BMAL2: variants seen among roughly 807,000 people sequenced by gnomAD.
BMAL2 encodes basic helix-loop-helix ARNT like 2, also known as basic helix-loop-helix ARNT-like protein 2.
chr12:27,423,839 A>T, the BMAL2 span: 1 of 152,180 alleles, frequency 6.6e-6, no homozygotes, highest in Non-Finnish European at 1.5e-5. Flanking sequence ...ATTCTAATCC[A>T]CAGGACTTGG....
the BMAL2 span, chr12:27,389,379 C>T: frequency 2.4e-6 from 2 of 848,734 alleles, no homozygotes; most frequent in Non-Finnish European, 3.8e-6. Flanking sequence ...GTTTTTAAAA[C>T]AGCTAACTAA....
At chr12:27,372,951 G>A in the BMAL2 span, among the ~76,000 whole-genome samples, 5 of 152,180 alleles carry the variant, frequency 3.3e-5, no homozygotes, top group African/African-American at 1.2e-4. Flanking sequence ...GGGATTACAG[G>A]CGTGAGCCAC....
chr12:27,380,161 C>T, the BMAL2 span: 5 of 1,366,896 alleles, frequency 3.7e-6, no homozygotes, highest in African/African-American at 7.2e-5. Context: ...GCCTGCTGGG[C>T]TCAGCATCTG....
chr12:27,350,101 T>C, the BMAL2 span, among the ~76,000 whole-genome samples: 1 of 152,224 alleles, frequency 6.6e-6, no homozygotes, highest in Non-Finnish European at 1.5e-5. Context: ...GTCTATTTAG[T>C]CACCCCTGTG....
At chr12:27,359,058 A>T in the BMAL2 span, among the ~76,000 whole-genome samples, 130 of 152,276 alleles carry the variant, frequency 8.5e-4, 2 homozygotes, top group East Asian at 0.02. Context: ...CTATAAAACA[A>T]TAACTGCTTG....
the BMAL2 span, among the ~76,000 whole-genome samples, chr12:27,408,796 G>C: frequency 6.6e-6 from 1 of 152,202 alleles, no homozygotes; most frequent in Non-Finnish European, 1.5e-5. Flanking sequence ...AGAAGAGGAA[G>C]TCAAATTGTC....
At chr12:27,349,977 G>A in the BMAL2 span, among the ~76,000 whole-genome samples, 1 of 152,178 alleles carries the variant, frequency 6.6e-6, no homozygotes, top group South Asian at 2.1e-4. Context: ...TGTGGCAGGG[G>A]CTTGCACCTG....
the BMAL2 span, among the ~76,000 whole-genome samples, chr12:27,407,278 A>T: frequency 6.6e-6 from 1 of 152,254 alleles, no homozygotes; most frequent in African/African-American, 2.4e-5. Context: ...GCCCCGAATC[A>T]ACAGAATATA....
chr12:27,343,802 G>C, the BMAL2 span, among the ~76,000 whole-genome samples: 2 of 152,094 alleles, frequency 1.3e-5, no homozygotes, highest in Non-Finnish European at 2.9e-5. Flanking sequence ...GCCTTTTCTG[G>C]AATGGTCATA....
the BMAL2 span, chr12:27,402,495 T>A: frequency 5.6e-6 from 4 of 710,648 alleles, no homozygotes; most frequent in Non-Finnish European, 9.2e-6. Context: ...ATACTAACAA[T>A]ATGTGTATAT....
chr12:27,401,207 G>A, the BMAL2 span: 1,311 of 1,397,226 alleles, frequency 9.4e-4, 7 homozygotes, highest in African/African-American at 0.016. Flanking sequence ...AGTCTTCTGG[G>A]AGGGAGTACA....
At chr12:27,376,956 G>A in the BMAL2 span, among the ~76,000 whole-genome samples, 3 of 128,700 alleles carry the variant, frequency 2.3e-5, no homozygotes, top group East Asian at 2.2e-4. Context: ...AGCCGAAATC[G>A]CGCCACTGCA....
the BMAL2 span, chr12:27,385,669 A>ATGT: frequency 9.3e-6 from 6 of 642,130 alleles, no homozygotes; most frequent in Non-Finnish European, 1.6e-5. Context: ...GGGACTCCAT[A>ATGT]TTACACCGTA....
chr12:27,332,949 G>C, the BMAL2 span: 2 of 706,208 alleles, frequency 2.8e-6, no homozygotes, highest in Non-Finnish European at 3.6e-6. Context: ...CGCGGCACCC[G>C]GCAGGGCCCG....
the BMAL2 span, chr12:27,376,524 C>T: frequency 9.2e-6 from 6 of 653,448 alleles, no homozygotes; most frequent in South Asian, 1.7e-4. Flanking sequence ...CTCTGAGAAG[C>T]AATGTTATCA....
chr12:27,341,581 A>G, the BMAL2 span, among the ~76,000 whole-genome samples: 7 of 152,190 alleles, frequency 4.6e-5, no homozygotes, highest in Admixed American at 3.9e-4. Flanking sequence ...TATTTCATTT[A>G]TTTCCGTGAC....
chr12:27,420,048 CAA>C, the BMAL2 span, among the ~76,000 whole-genome samples: 256 of 151,472 alleles, frequency 1.7e-3, no homozygotes, highest in African/African-American at 5.8e-3. Context: ...CACACACACA[CAA>C]ACATACACTA....
the BMAL2 span, among the ~76,000 whole-genome samples, chr12:27,335,165 T>C: frequency 4.1e-4 from 63 of 152,226 alleles, 1 homozygote; most frequent in Non-Finnish European, 8.5e-4. Flanking sequence ...GGCCAGTTGG[T>C]GGCCATCTAC....
the BMAL2 span, among the ~76,000 whole-genome samples, chr12:27,375,972 A>G: frequency 6.6e-6 from 1 of 152,228 alleles, no homozygotes; most frequent in Non-Finnish European, 1.5e-5. Context: ...CAGCTATCAT[A>G]AAGTTTTTGG....
Sources: gnomAD v4.1 joint callset for allele counts (sites outside exome capture counted in the v4.1 genomes callset) on GRCh38, gnomAD v4.1.1 for gene constraint, MANE v1.5 for transcripts, NCBI Gene and HGNC (gene_info 2026-07-23, HGNC 2026-07-21) for gene names.